KLF8: variants seen among roughly 807,000 people sequenced by gnomAD.
KLF8 encodes the protein KLF transcription factor 8.
A neutral mutation model predicts 18.2 loss-of-function variants in KLF8; 10 were observed. The ratio of observed to expected loss-of-function variants is 0.55; its 90% confidence interval spans 0.34 to 0.93. KLF8 has a LOEUF of 0.93. Among genes scored for constraint, KLF8 ranks in the 40% least tolerant of loss-of-function variants. KLF8 has a pLI of 0.02. For synonymous variants in KLF8, 109 were observed against 97.3 expected (o/e 1.12, Z -0.71); for missense variants, 264 against 277.9 (o/e 0.95, Z 0.36).
chrX:56,048,159 G>A, the KLF8 span, among the ~76,000 whole-genome samples: 1 of 111,482 alleles, frequency 9.0e-6, no homozygotes, highest in Admixed American at 9.6e-5. Context: ...TGTAGATTCT[G>A]GATATTAGCC....
At chrX:56,130,853 C>T in the KLF8 span, among the ~76,000 whole-genome samples, 1 of 111,047 alleles carries the variant, frequency 9.0e-6, no homozygotes, top group African/African-American at 3.3e-5. Flanking sequence ...CAGAGAAATG[C>T]GAAATGTACT....
chrX:56,207,215 T>G, the KLF8 span, among the ~76,000 whole-genome samples: 1 of 112,612 alleles, frequency 8.9e-6, no homozygotes, highest in Non-Finnish European at 1.9e-5. Context: ...CCTGGAGACA[T>G]TTTCCCCATT....
At chrX:56,183,024 G>A in the KLF8 span, among the ~76,000 whole-genome samples, 7 of 112,611 alleles carry the variant, frequency 6.2e-5, no homozygotes, top group Non-Finnish European at 3.8e-5. Flanking sequence ...TAAGTCTGAA[G>A]GAATTTCTGC....
the KLF8 span, among the ~76,000 whole-genome samples, chrX:55,963,942 A>G: frequency 8.9e-6 from 1 of 112,354 alleles, no homozygotes; most frequent in South Asian, 3.7e-4. Flanking sequence ...GCATAATGCA[A>G]CAAAAATAGA....
chrX:56,039,571 A>C, the KLF8 span, among the ~76,000 whole-genome samples: 1 of 111,333 alleles, frequency 9.0e-6, no homozygotes, highest in Admixed American at 9.6e-5. Flanking sequence ...GTTATCTATT[A>C]TATTCCATTG....
At chrX:56,274,481 T>A (rs2067096643) in intron 5 of KLF8, among the ~76,000 whole-genome samples, 1 of 111,971 alleles carries the variant, frequency 8.9e-6, no homozygotes, top group African/African-American at 3.2e-5. Flanking sequence ...CTTTGTTGAT[T>A]GTTTCCTTTG....
chrX:56,086,191 G>T, the KLF8 span, among the ~76,000 whole-genome samples: 1 of 112,116 alleles, frequency 8.9e-6, no homozygotes, highest in Non-Finnish European at 1.9e-5. Flanking sequence ...ATTAGAAATT[G>T]TCGGGAAGCA....
the KLF8 span, among the ~76,000 whole-genome samples, chrX:56,205,596 A>G: frequency 8.9e-6 from 1 of 112,327 alleles, no homozygotes; most frequent in Non-Finnish European, 1.9e-5. Context: ...ATCAATATTC[A>G]TTAGAGATAT....
chrX:56,188,078 C>G, the KLF8 span, among the ~76,000 whole-genome samples: 1 of 110,910 alleles, frequency 9.0e-6, no homozygotes. Flanking sequence ...AAGAGGAAGT[C>G]AAATTGTCCC....
At chrX:56,150,020 G>A in the KLF8 span, among the ~76,000 whole-genome samples, 1 of 112,052 alleles carries the variant, frequency 8.9e-6, no homozygotes, top group African/African-American at 3.2e-5. Context: ...AAATATCTTT[G>A]CTCTACTTGA....
At chrX:56,252,067 C>T (rs1429843175) in intron 2 of KLF8, among the ~76,000 whole-genome samples, 1 of 110,938 alleles carries the variant, frequency 9.0e-6, no homozygotes, top group Non-Finnish European at 1.9e-5. Flanking sequence ...GGCTGGAGTA[C>T]AGTGGTGGCT....
chrX:55,928,252 A>C, the KLF8 span, among the ~76,000 whole-genome samples: 1 of 111,950 alleles, frequency 8.9e-6, no homozygotes, highest in Non-Finnish European at 1.9e-5. Flanking sequence ...TCATCATGTC[A>C]TATTAGGGGG....
the KLF8 span, among the ~76,000 whole-genome samples, chrX:56,161,703 C>G: frequency 9.0e-6 from 1 of 111,400 alleles, no homozygotes; most frequent in African/African-American, 3.3e-5. Context: ...CTTCTTCACG[C>G]CATGGGTTTG....
At chrX:56,162,701 G>C in the KLF8 span, among the ~76,000 whole-genome samples, 1 of 111,538 alleles carries the variant, frequency 9.0e-6, no homozygotes, top group Non-Finnish European at 1.9e-5. Context: ...GGAATTCCCT[G>C]ACCCCTTGCA....
At chrX:55,986,957 G>T in the KLF8 span, among the ~76,000 whole-genome samples, 5 of 111,506 alleles carry the variant, frequency 4.5e-5, no homozygotes, top group East Asian at 1.4e-3. Flanking sequence ...GCATGATTTT[G>T]TTCTTTTTTA....
chrX:55,915,219 A>G, the KLF8 span, among the ~76,000 whole-genome samples: 1 of 111,694 alleles, frequency 9.0e-6, no homozygotes, highest in East Asian at 2.8e-4. Context: ...TATCCATTTG[A>G]TAAATGGGGA....
chrX:56,085,254 TACACACAC>T, the KLF8 span, among the ~76,000 whole-genome samples: 1 of 110,797 alleles, frequency 9.0e-6, no homozygotes, highest in Non-Finnish European at 1.9e-5. Flanking sequence ...AGAGGGGAGA[TACACACAC>T]ACACCCCACA....
At chrX:56,161,294 C>A in the KLF8 span, among the ~76,000 whole-genome samples, 3 of 111,413 alleles carry the variant, frequency 2.7e-5, no homozygotes, top group African/African-American at 9.8e-5. Flanking sequence ...TGTGGGTAAC[C>A]CGACCTTTGA....
At chrX:56,048,366 G>A in the KLF8 span, among the ~76,000 whole-genome samples, 55 of 111,852 alleles carry the variant, frequency 4.9e-4, no homozygotes, top group Non-Finnish European at 8.8e-4. Context: ...GAATGGTATT[G>A]CCTCAGTTTT....
Sources: gnomAD v4.1 joint callset for allele counts (sites outside exome capture counted in the v4.1 genomes callset) on GRCh38, gnomAD v4.1.1 for gene constraint, MANE v1.5 for transcripts, NCBI Gene and HGNC (gene_info 2026-07-23, HGNC 2026-07-21) for gene names.